GAB4: variants seen among roughly 807,000 people sequenced by gnomAD.
The protein encoded by GAB4 is GRB2 associated binding protein family member 4.
In GAB4, 26 loss-of-function variants were observed where a neutral mutation model predicts 51.3. The ratio of observed to expected loss-of-function variants is 0.51; its 90% CI spans 0.37 to 0.70. The LOEUF is 0.70. Ranked by LOEUF, GAB4 falls within the 30% of genes least tolerant of loss-of-function variation. The probability of loss-of-function intolerance (pLI) is 0.00; values close to 1 mark genes in which losing one functional copy is unlikely to be tolerated. For synonymous variants in GAB4, 329 were observed against 291.2 expected, an observed-to-expected ratio of 1.13 and a Z score of -1.32; for missense variants, 759 against 734.6, an observed-to-expected ratio of 1.03 and a Z score of -0.38.
chr22:16,967,971 G>C (rs755105805), intron 5 of GAB4, among the ~76,000 whole-genome samples: 3 of 152,118 alleles, frequency 2.0e-5, no homozygotes, highest in Non-Finnish European at 4.4e-5. Context: ...AAGGCTCACA[G>C]GGAAGCACTC....
chr22:16,970,186 T>C lies in GAB4; in HGVS notation c.694A>G (p.Ser232Gly), dbSNP rs2060718824. 17 of 1,613,856 alleles carry C rather than the reference T, an allele frequency of 1.1e-5. No homozygotes were observed. Among genetic ancestry groups the C allele is most frequent in the South Asian group, 6.6e-5 (6 of 91,076 alleles). Reference sequence around the variant, plus strand: ...GGGGCCTCAGAACCCTGGGAGAAGCTGGCACTCCTAAGAGAGAGAAAGAAG... The same window carrying C: ...GGGGCCTCAGAACCCTGGGAGAAGCCGGCACTCCTAAGAGAGAGAAAGAAG... ...SQRAEHARSASFSQGSEAPFI... is the reference protein window; with the variant it reads ...SQRAEHARSAGFSQGSEAPFI... Residue 232 changes from serine to glycine, a missense_variant, in exon 4 of 10, where the codon AGC (serine) becomes GGC (glycine). Ser to Gly is a moderately conservative substitution (Grantham distance 56). Transcript: ENST00000400588.
Position 16,965,281 on chromosome 22 carries a change from A to G in GAB4, c.1289-13T>C, listed in dbSNP as rs780948152. ...GGTGTTGGGTTGGCTGGAGCAGGAA[A>G]AGAACCTTGTCATCAGCCAGTGATG... On this transcript the variant is annotated splice_polypyrimidine_tract_variant and intron_variant, in intron 6 of 9. Coordinates refer to ENST00000400588, the MANE Select transcript of GAB4 (RefSeq NM_001037814.1). The G allele has an allele frequency of 1.2e-6, 2 of 1,608,736 alleles. No individual in the cohort carries two copies.
intron 1 of GAB4, among the ~76,000 whole-genome samples, chr22:17,000,431 T>A (rs972599783): frequency 1.3e-5 from 2 of 152,158 alleles, no homozygotes; most frequent in African/African-American, 4.8e-5. Flanking sequence ...TGGTTTAAAG[T>A]CTGTTTTATC....
intron 1 of GAB4, among the ~76,000 whole-genome samples, chr22:17,001,596 C>T (rs2060997897): frequency 6.6e-6 from 1 of 152,182 alleles, no homozygotes; most frequent in African/African-American, 2.4e-5. Context: ...CCTCCTTTAG[C>T]TCGGAGAAGT....
rs140405404 is a variant in GAB4, at chr22:16,992,093, G to A, written c.258C>T (p.Gly86=). The A allele has an allele frequency of 2.0e-4, 320 of 1,614,158 alleles. No individual in the cohort carries two copies. In the African/African-American group the frequency reaches 3.6e-3, roughly 18 times the overall value. ...TGATGGTGCGCAGGGGCTTCTTGGA[G>A]CCATCATTCTTGTAGTATTCCAGAA... ...PDVLEYYKND[G]SKKPLRTINL... The change falls in exon 2 of 10, where the codon GGC becomes GGT. Residue 86 remains glycine, a synonymous_variant. Transcript: ENST00000400588.
intron 2 of GAB4, among the ~76,000 whole-genome samples, chr22:16,990,688 C>T (rs2060906452): frequency 6.6e-6 from 1 of 152,150 alleles, no homozygotes; most frequent in Non-Finnish European, 1.5e-5. Flanking sequence ...ATATGCAGAC[C>T]TGGGGGTCTA....
In GAB4 at chr22:16,988,160, C is replaced by T; in HGVS notation, c.486G>A (p.Leu162=). ...GFRQEESTGF[L]GNISSASHGL... is the part of the protein sequence containing the mutation. ...CGTGACTGGCTGAGGAAATGTTTCCCAGGAAGCCTGTGAATGAAACAGGAA... is the reference window on the plus strand; with the variant it reads ...CGTGACTGGCTGAGGAAATGTTTCCTAGGAAGCCTGTGAATGAAACAGGAA... Residue 162 remains leucine (L), a synonymous_variant, in exon 3 of 10, where the codon CTG becomes CTA. Transcript: ENST00000400588. 1 of 1,611,498 alleles carries T rather than the reference C, an allele frequency of 6.2e-7. No individual in the cohort carries two copies.
rs775701155 is a variant in GAB4, at chr22:16,966,213, C to T, written c.1175G>A (p.Arg392His). The change falls in exon 6 of 10, where the codon CGC becomes CAC. Residue 392 changes from arginine to histidine, a missense_variant. By Grantham distance (29) the Arg-to-His change is conservative (BLOSUM62 0). Coordinates refer to ENST00000400588, the MANE Select transcript of GAB4 (RefSeq NM_001037814.1). ...VCIPVGSCLV[R>H]FDLLGSPLTE... is the part of the protein sequence containing the mutation. ...GAGTGGGGAGCCAAGCAGGTCAAAG[C>T]GAACAAGACATGAGCCCACAGGGAT... The T allele has an allele frequency of 1.4e-5, 22 of 1,613,930 alleles. No individual in the cohort carries two copies. Among genetic ancestry groups the T allele is most frequent in the Middle Eastern group, 3.3e-4 (2 of 6,084 alleles).
At position 16,970,057 on chromosome 22, in the gene GAB4, T is replaced by G. The variant is rs2060716766; in HGVS notation, c.823A>C (p.Lys275Gln). 1.2e-6 allele frequency: 2 copies of G among 1,614,006 alleles called. No individual in the cohort carries two copies. The highest frequency in any genetic ancestry group is 1.7e-6 in the Non-Finnish European group (2 of 1,180,026). ...AATTCTGCATTGTGCTGGCTGGGCT[T>G]GGAAAGGCTATGGAAGCCATGGATG... ...GHIHGFHSLS[K>Q]PSQHNAEFRG... The change falls in exon 4 of 10, where the codon AAG becomes CAG. Residue 275 changes from lysine to glutamine, a missense_variant. This residue lies in a region of GAB4 where 588 missense variants were observed against 510.2 expected (regional missense o/e 1.15). Transcript: ENST00000400588.
intron 3 of GAB4, among the ~76,000 whole-genome samples, chr22:16,972,647 G>C (rs1427117675): frequency 2.0e-5 from 3 of 152,094 alleles, no homozygotes; most frequent in African/African-American, 7.2e-5. Flanking sequence ...TCTTGGGATT[G>C]GCTCCAGCCT....
intron 8 of GAB4, 62 bp from the exon 9 acceptor site, chr22:16,963,891 GAACACACCT>G (rs1218201140): frequency 2.3e-6 from 3 of 1,305,486 alleles, no homozygotes; most frequent in Non-Finnish European, 3.3e-6. Flanking sequence ...GCACCCAGTG[GAACACACCT>G]GTGGGCGTAG....
At chr22:16,974,019 G>A (rs190449029) in intron 3 of GAB4, among the ~76,000 whole-genome samples, 1 of 152,332 alleles carries the variant, frequency 6.6e-6, no homozygotes, top group East Asian at 1.9e-4. Context: ...AAGCCAACAT[G>A]CCTGAAATTA....
At chr22:17,000,648 A>AAT (rs1178886613) in intron 1 of GAB4, among the ~76,000 whole-genome samples, 1 of 152,110 alleles carries the variant, frequency 6.6e-6, no homozygotes, top group Non-Finnish European at 1.5e-5. Context: ...GTTTAAGGTT[A>AAT]ATATTGTTAT....
intron 1 of GAB4, among the ~76,000 whole-genome samples, chr22:16,998,712 C>T (rs1389999786): frequency 2.6e-5 from 4 of 152,186 alleles, no homozygotes; most frequent in Admixed American, 1.3e-4. Flanking sequence ...GAGGGCATCC[C>T]TGTCTTGTGC....
At chr22:16,969,831 C>T in intron 4 of GAB4, 112 bp downstream of exon 4, 3 of 1,309,186 alleles carry the variant, frequency 2.3e-6, no homozygotes, top group Non-Finnish European at 3.3e-6. Flanking sequence ...CGTGACTGTC[C>T]TAGGAATCTG....
chr22:16,998,162 T>A (rs11705571), intron 1 of GAB4, among the ~76,000 whole-genome samples: 1 of 152,184 alleles, frequency 6.6e-6, no homozygotes, highest in Non-Finnish European at 1.5e-5. Context: ...TTTAAAGTAG[T>A]TTTTTCCAAT....
At chr22:16,963,178 T>C (rs992013852) in intron 9 of GAB4, among the ~76,000 whole-genome samples, 6 of 152,078 alleles carry the variant, frequency 3.9e-5, no homozygotes, top group Non-Finnish European at 5.9e-5. Flanking sequence ...TGGCAGGAAA[T>C]TTCCCAGGTG....
chr22:16,968,364 G>A lies in GAB4; in HGVS notation c.957C>T (p.Thr319=), dbSNP rs1243230599. Residue 319 remains threonine, a synonymous_variant, in exon 5 of 10, where the codon ACC becomes ACT. Coordinates refer to ENST00000400588, the MANE Select transcript of GAB4 (RefSeq NM_001037814.1). ...GGCTGGCATTCCCTCCACCATGCTGGGTGTACTTGCCGGAGGAAGCTACGA... is the reference window on the plus strand; with the variant it reads ...GGCTGGCATTCCCTCCACCATGCTGAGTGTACTTGCCGGAGGAAGCTACGA... ...ADNEASSGKY[T]QHGGGNASRP... is the part of the protein sequence containing the mutation. The A allele has an allele frequency of 2.5e-6, 4 of 1,613,924 alleles. No homozygotes were observed. In the African/African-American group the frequency reaches 4.0e-5, roughly 16 times the overall value.
chr22:16,992,590 G>A (rs1225388191), intron 1 of GAB4, among the ~76,000 whole-genome samples: 1 of 152,226 alleles, frequency 6.6e-6, no homozygotes, highest in Non-Finnish European at 1.5e-5. Flanking sequence ...AGCAGAAGCA[G>A]TAGCAGTAAA....
Sources: gnomAD v4.1 joint callset for allele counts (sites outside exome capture counted in the v4.1 genomes callset) on GRCh38, gnomAD v4.1.1 for gene constraint, gnomAD v4.1.1 regional missense constraint, MANE v1.5 for transcripts, NCBI Gene and HGNC (gene_info 2026-07-23, HGNC 2026-07-21) for gene names.